The following ME1 variants were observed in gnomAD, a reference collection of about 807,000 sequenced individuals.
ME1 encodes malic enzyme 1.
A neutral mutation model predicts 66.4 loss-of-function variants in ME1; 74 were observed. The ratio of observed to expected loss-of-function variants is 1.11; its 90% CI spans 0.92 to 1.35. The LOEUF is 1.35. ME1 is among the 40% of genes most tolerant of loss of function. The pLI is 0.00. For synonymous variants in ME1, 251 were observed against 235.6 expected (o/e 1.07, Z -0.60); for missense variants, 750 against 694.1 (o/e 1.08, Z -0.90).
In ME1 at chr6:83,334,256, A is replaced by G. The variant is rs551095934; in HGVS notation, c.600+11917T>C. ...CCCACCCGAATATTGCGCTTTTCAG[A>G]CCGGCTTAAGAAACGGCGCACCACG... On this transcript the variant is annotated intron_variant, in intron 5 of 13. Coordinates refer to ENST00000369705, the MANE Select transcript of ME1 (RefSeq NM_002395.6). Among the ~76,000 whole-genome samples the G allele has an allele frequency of 4.9e-4, 69 of 142,014 alleles. 1 individual carries two copies. Among genetic ancestry groups the G allele is most frequent in the African/African-American group, 1.7e-3 (65 of 37,830 alleles). 93.2% of individuals were successfully genotyped at this position (142,014 alleles called of 152,430 possible). A position where few individuals can be genotyped will look rare whatever the true frequency, so the allele number is the denominator to read the frequency against.
At chr6:83,276,135 CT>C (rs1269830721) in intron 6 of ME1, among the ~76,000 whole-genome samples, 1 of 152,114 alleles carries the variant, frequency 6.6e-6, no homozygotes, top group African/African-American at 2.4e-5. Context: ...GAAGCACCGA[CT>C]TTTTTGCATT....
In ME1 at chr6:83,216,602, GA is replaced by G. The variant is rs1790000011; in HGVS notation, c.1450-7del. 2.5e-6 allele frequency: 4 copies of G among 1,576,008 alleles called. No individual in the cohort carries two copies. Among genetic ancestry groups the G allele is most frequent in the African/African-American group, 1.4e-5 (1 of 72,748 alleles). The stretch of plus-strand genomic sequence containing the variant: ...GACACTTGCTGAGCTATAACCTTAT[GA>G]AAAAAAGAAAGAAAAAAAGTGTTTA... On this transcript the variant is annotated splice_region_variant and splice_polypyrimidine_tract_variant and intron_variant, in intron 12 of 13. Transcript: ENST00000369705.
At chr6:83,251,935 C>A (rs1187730055) in intron 7 of ME1, among the ~76,000 whole-genome samples, 1 of 152,150 alleles carries the variant, frequency 6.6e-6, no homozygotes, top group Non-Finnish European at 1.5e-5. Flanking sequence ...GCACTTAGAT[C>A]TACATCTGAC....
chr6:83,281,524 G>A (rs559567457), intron 6 of ME1, among the ~76,000 whole-genome samples: 1 of 151,884 alleles, frequency 6.6e-6, no homozygotes, highest in African/African-American at 2.4e-5. Flanking sequence ...ACAAACTTCC[G>A]GCCAGGCACA....
chr6:83,340,248 T>C (rs974954761), intron 5 of ME1, among the ~76,000 whole-genome samples: 2 of 151,938 alleles, frequency 1.3e-5, no homozygotes, highest in African/African-American at 4.9e-5. Context: ...CTGTCAGTTA[T>C]ATCTCCTTTG....
At chr6:83,227,207 G>C (rs1026927802) in intron 11 of ME1, 128 bp downstream of exon 11, 4 of 480,868 alleles carry the variant, frequency 8.3e-6, no homozygotes, top group Non-Finnish European at 1.4e-5. Context: ...CCTCTGATTT[G>C]TGTGCTTTTC....
At chr6:83,376,233 C>T (rs985176457) in intron 3 of ME1, among the ~76,000 whole-genome samples, 2 of 152,050 alleles carry the variant, frequency 1.3e-5, no homozygotes, top group African/African-American at 4.8e-5. Flanking sequence ...GGGCTGAGCA[C>T]GATGGCTCAT....
intron 7 of ME1, among the ~76,000 whole-genome samples, chr6:83,241,394 T>C (rs905391649): frequency 2.0e-5 from 3 of 152,190 alleles, no homozygotes; most frequent in African/African-American, 7.2e-5. Flanking sequence ...TGTATTATTA[T>C]TTTTATTTAC....
intron 6 of ME1, among the ~76,000 whole-genome samples, chr6:83,279,523 T>C (rs534844894): frequency 1.6e-4 from 25 of 152,218 alleles, no homozygotes; most frequent in African/African-American, 5.8e-4. Context: ...GGCTCATCAG[T>C]AGACCAGACA....
At chr6:83,284,892 AAAG>A (rs1212723321) in intron 6 of ME1, among the ~76,000 whole-genome samples, 2 of 152,218 alleles carry the variant, frequency 1.3e-5, no homozygotes, top group African/African-American at 2.4e-5. Flanking sequence ...TCCAAATAGG[AAAG>A]AAGAAGTAAA....
At chr6:83,314,543 T>C (rs1767990040) in intron 6 of ME1, among the ~76,000 whole-genome samples, 1 of 152,180 alleles carries the variant, frequency 6.6e-6, no homozygotes, top group African/African-American at 2.4e-5. Context: ...TGGTTCGATG[T>C]ACATAAACTT....
At chr6:83,419,535 A>C (rs745706823) in intron 1 of ME1, among the ~76,000 whole-genome samples, 7 of 152,230 alleles carry the variant, frequency 4.6e-5, no homozygotes, top group Non-Finnish European at 7.3e-5. Context: ...CAATATCTCT[A>C]GTATATAATG....
intron 6 of ME1, among the ~76,000 whole-genome samples, chr6:83,299,900 C>T (rs565661240): frequency 6.6e-6 from 1 of 152,248 alleles, no homozygotes; most frequent in South Asian, 2.1e-4. Context: ...TGATGGATTT[C>T]ATTAATTGAT....
At chr6:83,327,010 T>C (rs1202929924) in intron 5 of ME1, among the ~76,000 whole-genome samples, 1 of 152,224 alleles carries the variant, frequency 6.6e-6, no homozygotes, top group East Asian at 1.9e-4. Flanking sequence ...CCCAAATTGA[T>C]ACTTTTATAA....
intron 6 of ME1, among the ~76,000 whole-genome samples, chr6:83,312,526 A>T (rs983786899): frequency 3.9e-5 from 6 of 152,072 alleles, no homozygotes; most frequent in African/African-American, 1.2e-4. Context: ...GATGGCAAAT[A>T]AAAAAAACCA....
At chr6:83,275,466 T>G (rs1267170291) in intron 6 of ME1, among the ~76,000 whole-genome samples, 6 of 124,152 alleles carry the variant, frequency 4.8e-5, no homozygotes, top group African/African-American at 2.1e-4. Flanking sequence ...GTTTTGATCT[T>G]TTTTTTTTTT....
chr6:83,288,111 T>C (rs1162618879), intron 6 of ME1, among the ~76,000 whole-genome samples: 6 of 152,232 alleles, frequency 3.9e-5, no homozygotes, highest in South Asian at 4.1e-4. Context: ...GGTTGCCTGT[T>C]CACTCTGATA....
At chr6:83,262,075 A>T (rs1313231247) in intron 6 of ME1, among the ~76,000 whole-genome samples, 1 of 152,048 alleles carries the variant, frequency 6.6e-6, no homozygotes, top group Non-Finnish European at 1.5e-5. Context: ...ACATGAAAAG[A>T]GACAAATGAC....
chr6:83,264,651 G>A (rs1044774843), intron 6 of ME1, among the ~76,000 whole-genome samples: 2 of 152,162 alleles, frequency 1.3e-5, no homozygotes, highest in Non-Finnish European at 2.9e-5. Context: ...CAAGATGTTA[G>A]CAGAGGAAGT....
Sources: gnomAD v4.1 joint callset for allele counts (sites outside exome capture counted in the v4.1 genomes callset) on GRCh38, gnomAD v4.1.1 for gene constraint, MANE v1.5 for transcripts, NCBI Gene and HGNC (gene_info 2026-07-23, HGNC 2026-07-21) for gene names.